The following ARHGEF9 variants were observed in gnomAD, a reference collection of about 807,000 sequenced individuals.
ARHGEF9 encodes the protein Cdc42 guanine nucleotide exchange factor 9, also known as rho guanine nucleotide exchange factor 9.
ARHGEF9 carries 2 observed loss-of-function variants against 41.3 expected under a neutral mutation model. The ratio of observed to expected loss-of-function variants is 0.05; its 90% CI spans 0.02 to 0.15. The LOEUF (loss-of-function observed/expected upper bound fraction) is 0.15. ARHGEF9 is among the 10% of genes least tolerant of loss of function. The pLI is 1.00. For missense variants in ARHGEF9, 225 were observed against 424.7 expected, an observed-to-expected ratio of 0.53 and a Z score of 4.13; for synonymous variants, 160 against 154.4, an observed-to-expected ratio of 1.04 and a Z score of -0.27.
chrX:63,782,129 C>T (rs2056391196), intron 1 of ARHGEF9, among the ~76,000 whole-genome samples: 1 of 111,470 alleles, frequency 9.0e-6, no homozygotes, highest in Non-Finnish European at 1.9e-5. Flanking sequence ...GTTTAATGAA[C>T]TTCACAACCC....
intron 6 of ARHGEF9, among the ~76,000 whole-genome samples, chrX:63,668,543 C>T (rs1430090258): frequency 9.8e-5 from 11 of 112,004 alleles, no homozygotes; most frequent in Non-Finnish European, 1.1e-4. Context: ...GAGCAACACA[C>T]GTAGTCTCTC....
intron 4 of ARHGEF9, among the ~76,000 whole-genome samples, chrX:63,687,808 A>T (rs2051079390): frequency 9.1e-6 from 1 of 110,249 alleles, no homozygotes; most frequent in South Asian, 3.9e-4. Flanking sequence ...TTGAAAATAC[A>T]CAATAAGAAG....
chrX:63,712,062 C>T (rs2052968697), intron 2 of ARHGEF9, among the ~76,000 whole-genome samples: 1 of 111,661 alleles, frequency 9.0e-6, no homozygotes, highest in South Asian at 3.7e-4. Flanking sequence ...AAACCAAAAC[C>T]ATAAAAAGAT....
rs782307870 is a variant in ARHGEF9, at chrX:63,715,621, T to C, written c.210+8911A>G. Among the ~76,000 whole-genome samples the C allele has an allele frequency of 6.2e-4, 69 of 112,051 alleles. 1 individual carries two copies. Among genetic ancestry groups the C allele is most frequent in the South Asian group, 1.9e-3 (5 of 2,676 alleles). ...TGCCTTAGATGACACCTGTTCCCTA[T>C]TGAGGCTTTTCCCGCAACATCTGTC... On this transcript the variant is annotated intron_variant, in intron 2 of 9. Coordinates refer to ENST00000671741, the MANE Select transcript of ARHGEF9 (RefSeq NM_001353921.2).
chrX:63,739,267 A>C (rs1556425128), intron 1 of ARHGEF9, among the ~76,000 whole-genome samples: 1 of 111,299 alleles, frequency 9.0e-6, no homozygotes, highest in Non-Finnish European at 1.9e-5. Context: ...TTAAACCGGC[A>C]GAAGGATTGC....
In ARHGEF9 at chrX:63,778,035, G is replaced by C. The variant is rs782445078; in HGVS notation, c.30+7081C>G. Among the ~76,000 whole-genome samples, 3 of 112,939 alleles carry C rather than the reference G, an allele frequency of 2.7e-5. No individual in the cohort carries two copies. In the South Asian group the frequency reaches 1.1e-3, roughly 41 times the overall value. The stretch of plus-strand genomic sequence containing the variant: ...TAGGCAGTGCCCCAGTGGGGACTCT[G>C]TGTGGGAGCTCCAACCCCACATTTC... On this transcript the variant is annotated intron_variant, in intron 1 of 9. Coordinates refer to ENST00000671741, the MANE Select transcript of ARHGEF9 (RefSeq NM_001353921.2).
chrX:63,772,934 T>A (rs1470177022), intron 1 of ARHGEF9, among the ~76,000 whole-genome samples: 1 of 111,687 alleles, frequency 9.0e-6, no homozygotes, highest in Non-Finnish European at 1.9e-5. Context: ...TTCCTTTTTT[T>A]AATTGTAATC....
rs193267005 is a variant in ARHGEF9, at chrX:63,643,205, T to C, written c.1390+775A>G. 2.7e-5 allele frequency among the ~76,000 whole-genome samples: 3 copies of C among 111,942 alleles called. No individual in the cohort carries two copies. The Admixed American group carries it at 2.8e-4, about 11-fold the overall frequency. ...TTCAGATTTAAATTGATTTGCAAGG[T>C]ATTTTTTCTTAAGTACTTTGGCTTG... On this transcript the variant is annotated intron_variant, in intron 9 of 9. Coordinates refer to ENST00000671741, the MANE Select transcript of ARHGEF9 (RefSeq NM_001353921.2).
intron 4 of ARHGEF9, among the ~76,000 whole-genome samples, chrX:63,681,612 G>C (rs1315180486): frequency 1.8e-5 from 2 of 110,944 alleles, no homozygotes; most frequent in East Asian, 2.8e-4. Flanking sequence ...AGTTCTAAGA[G>C]GGGCGTTGAT....
At chrX:63,775,071 A>G (rs1368844612) in intron 1 of ARHGEF9, among the ~76,000 whole-genome samples, 2 of 112,736 alleles carry the variant, frequency 1.8e-5, no homozygotes, top group Non-Finnish European at 3.7e-5. Flanking sequence ...AGCATATGAA[A>G]AAATATTCAA....
At chrX:63,648,727 A>G in intron 8 of ARHGEF9, among the ~76,000 whole-genome samples, 1 of 111,325 alleles carries the variant, frequency 9.0e-6, no homozygotes, top group Non-Finnish European at 1.9e-5. Context: ...AGAGACACAC[A>G]TAGGCTCAAA....
chrX:63,724,359 G>T (rs782053566), intron 2 of ARHGEF9, among the ~76,000 whole-genome samples, 173 bp downstream of exon 2: 6 of 110,593 alleles, frequency 5.4e-5, no homozygotes, highest in African/African-American at 2.0e-4. Context: ...AAATTAAAAG[G>T]GCACAGATTA....
intron 6 of ARHGEF9, among the ~76,000 whole-genome samples, chrX:63,669,127 C>T (rs1320190009): frequency 5.4e-5 from 6 of 112,139 alleles, no homozygotes; most frequent in Non-Finnish European, 3.8e-5. Context: ...TGTTTGAGAG[C>T]GTCAAATGAG....
At chrX:63,647,972 G>A (rs1246881169) in intron 8 of ARHGEF9, among the ~76,000 whole-genome samples, 3 of 111,475 alleles carry the variant, frequency 2.7e-5, no homozygotes, top group Non-Finnish European at 5.7e-5. Flanking sequence ...ATCTATGTCT[G>A]ATTGGTGTAC....
chrX:63,776,374 C>T (rs1422294820), intron 1 of ARHGEF9, among the ~76,000 whole-genome samples: 1 of 111,713 alleles, frequency 9.0e-6, no homozygotes, highest in Non-Finnish European at 1.9e-5. Flanking sequence ...ATCACAAAGG[C>T]AGCGATACAC....
At chrX:63,715,025 C>T (rs1323939327) in intron 2 of ARHGEF9, among the ~76,000 whole-genome samples, 4 of 111,550 alleles carry the variant, frequency 3.6e-5, no homozygotes, top group Non-Finnish European at 7.5e-5. Flanking sequence ...AGAACTCAAG[C>T]TAGAATGGGG....
chrX:63,740,307 G>T (rs1247491228), intron 1 of ARHGEF9, among the ~76,000 whole-genome samples: 2 of 112,069 alleles, frequency 1.8e-5, no homozygotes, highest in African/African-American at 6.5e-5. Flanking sequence ...ACTCCATGAG[G>T]GTGTCTTCTC....
chrX:63,717,475 C>A (rs1381818954), intron 2 of ARHGEF9, among the ~76,000 whole-genome samples: 1 of 111,916 alleles, frequency 8.9e-6, no homozygotes, highest in Non-Finnish European at 1.9e-5. Flanking sequence ...TAGCCACTCA[C>A]ACATAGCAGC....
intron 1 of ARHGEF9, among the ~76,000 whole-genome samples, chrX:63,757,118 A>C (rs2055948486): frequency 9.0e-6 from 1 of 111,613 alleles, no homozygotes; most frequent in Non-Finnish European, 1.9e-5. Context: ...TTCTTCATCC[A>C]GTCATTAATG....
Sources: allele counts gnomAD v4.1 joint callset (sites outside exome capture counted in the v4.1 genomes callset), GRCh38; gene constraint gnomAD v4.1.1; transcripts MANE v1.5; gene names NCBI Gene and HGNC (gene_info 2026-07-23, HGNC 2026-07-21).